The following KHDRBS2 variants were observed in gnomAD, a reference collection of about 807,000 sequenced individuals.
KHDRBS2 encodes the protein KH RNA binding domain containing, signal transduction associated 2, also known as KH domain-containing, RNA-binding, signal transduction-associated protein 2.
A neutral mutation model predicts 44.3 loss-of-function variants in KHDRBS2; 26 were observed. The ratio of observed to expected loss-of-function variants is 0.59; its 90% CI spans 0.43 to 0.81. KHDRBS2 has a LOEUF of 0.81. Ranked by LOEUF, KHDRBS2 falls within the 40% of genes least tolerant of loss-of-function variation. KHDRBS2 has a pLI of 0.00. For missense variants in KHDRBS2, 476 were observed against 433.1 expected, an observed-to-expected ratio of 1.10 and a Z score of -0.88; for synonymous variants, 194 against 151.1, an observed-to-expected ratio of 1.28 and a Z score of -2.08.
intron 6 of KHDRBS2, among the ~76,000 whole-genome samples, chr6:61,848,324 G>A (rs1732280371): frequency 2.0e-5 from 3 of 149,748 alleles, no homozygotes; most frequent in Admixed American, 1.4e-4. Context: ...CCTAGAGCTT[G>A]AAATACCTGT....
intron 7 of KHDRBS2, among the ~76,000 whole-genome samples, chr6:61,720,256 G>A (rs138491708): frequency 0.011 from 1,725 of 152,148 alleles, 14 homozygotes; most frequent in Non-Finnish European, 0.016. Flanking sequence ...ATGTGTCTTT[G>A]TAGCAGCATG....
At chr6:61,993,650 C>CATATATATATATAT (rs1188471190) in intron 3 of KHDRBS2, among the ~76,000 whole-genome samples, 16 of 66,402 alleles carry the variant, frequency 2.4e-4, no homozygotes, top group Non-Finnish European at 4.5e-4. Flanking sequence ...CCCATAAAAT[C>CATATATATATATAT]ATATATATAT....
At position 62,285,945 on chromosome 6, in the gene KHDRBS2, C is replaced by T; in HGVS notation, c.4G>A (p.Glu2Lys). The part of the protein sequence containing the change: M[E>K]EEKYLPELMA... ...AGCTCAGGCAAATATTTCTCCTCTTCCATAGCGCGGACTTCGGATTGTCCC... is the reference window on the plus strand; with the variant it reads ...AGCTCAGGCAAATATTTCTCCTCTTTCATAGCGCGGACTTCGGATTGTCCC... The change falls in exon 1 of 9, where the codon GAA becomes AAA. Residue 2 changes from glutamate to lysine, a missense_variant. Transcript: ENST00000281156. 1 of 1,607,924 alleles carries T rather than the reference C, an allele frequency of 6.2e-7. No homozygotes were observed. The highest frequency in any genetic ancestry group is 8.5e-7 in the Non-Finnish European group (1 of 1,175,128).
chr6:61,870,029 G>A (rs1798433035), intron 6 of KHDRBS2, among the ~76,000 whole-genome samples: 1 of 145,786 alleles, frequency 6.9e-6, no homozygotes, highest in African/African-American at 2.6e-5. Context: ...TGAGACAGAA[G>A]TGTTCCCTCC....
chr6:61,657,193 G>C, the KHDRBS2 span, among the ~76,000 whole-genome samples: 1 of 151,896 alleles, frequency 6.6e-6, no homozygotes, highest in Non-Finnish European at 1.5e-5. Flanking sequence ...TATCAAAGTA[G>C]TCTCACACTG....
chr6:62,060,289 C>A (rs749993998), intron 2 of KHDRBS2, among the ~76,000 whole-genome samples: 70 of 151,540 alleles, frequency 4.6e-4, no homozygotes, highest in Non-Finnish European at 9.3e-4. Context: ...GAGGGATGGG[C>A]TGGGGGTGAG....
At chr6:61,610,279 A>T in the KHDRBS2 span, among the ~76,000 whole-genome samples, 4 of 152,166 alleles carry the variant, frequency 2.6e-5, no homozygotes, top group African/African-American at 9.6e-5. Flanking sequence ...ATTTCAATCT[A>T]GGGGAAAAAT....
At chr6:62,243,236 A>C (rs906403730) in intron 1 of KHDRBS2, among the ~76,000 whole-genome samples, 6 of 152,096 alleles carry the variant, frequency 3.9e-5, no homozygotes, top group Middle Eastern at 3.2e-3. Context: ...CTATGGGAAT[A>C]TTTGTTGTGA....
At chr6:61,781,776 A>C (rs568728617) in intron 6 of KHDRBS2, among the ~76,000 whole-genome samples, 18 of 152,254 alleles carry the variant, frequency 1.2e-4, no homozygotes, top group African/African-American at 4.3e-4. Flanking sequence ...TTGGAACTGG[A>C]GGGTAGACGT....
intron 4 of KHDRBS2, among the ~76,000 whole-genome samples, chr6:61,931,192 T>C (rs1809977873): frequency 6.6e-6 from 1 of 152,070 alleles, no homozygotes; most frequent in Non-Finnish European, 1.5e-5. Context: ...TGAAAATCAC[T>C]ATAAGAAAAT....
At chr6:61,955,188 T>G (rs115239727) in intron 4 of KHDRBS2, among the ~76,000 whole-genome samples, 43,210 of 133,158 alleles carry the variant, frequency 0.32, 7,650 homozygotes, top group Middle Eastern at 0.51. Flanking sequence ...ACACATACGT[T>G]TGTATGTATA....
At chr6:61,732,331 T>G (rs902267992) in intron 7 of KHDRBS2, among the ~76,000 whole-genome samples, 26 of 152,064 alleles carry the variant, frequency 1.7e-4, no homozygotes, top group Middle Eastern at 6.8e-3. Flanking sequence ...CAAATAAATG[T>G]GATATTTTAG....
chr6:61,896,967 A>G (rs1391238893), intron 5 of KHDRBS2, among the ~76,000 whole-genome samples: 1 of 151,926 alleles, frequency 6.6e-6, no homozygotes, highest in Non-Finnish European at 1.5e-5. Flanking sequence ...CTTATTCGTT[A>G]TCCTCCTTCA....
intron 6 of KHDRBS2, among the ~76,000 whole-genome samples, chr6:61,780,528 G>A (rs986738458): frequency 1.6e-4 from 24 of 147,562 alleles, no homozygotes; most frequent in African/African-American, 6.2e-4. Context: ...AATAAAATAA[G>A]CAAAACAAAC....
intron 6 of KHDRBS2, among the ~76,000 whole-genome samples, chr6:61,776,892 T>C (rs1782124048): frequency 1.3e-5 from 2 of 152,160 alleles, no homozygotes; most frequent in Non-Finnish European, 1.5e-5. Flanking sequence ...CCAACCTAAA[T>C]GTCCAACAAC....
chr6:61,954,645 C>T (rs200146189), intron 4 of KHDRBS2, among the ~76,000 whole-genome samples: 22,116 of 106,640 alleles, frequency 0.21, 2,750 homozygotes, highest in Middle Eastern at 0.26. Flanking sequence ...CACATACATA[C>T]TTATGTATAC....
the KHDRBS2 span, among the ~76,000 whole-genome samples, chr6:61,621,484 C>G: frequency 6.6e-6 from 1 of 152,316 alleles, no homozygotes; most frequent in Admixed American, 6.5e-5. Context: ...AGCTGAGTAG[C>G]AGGCTAAAGG....
intron 2 of KHDRBS2, 119 bp downstream of exon 2, chr6:62,177,066 G>T: frequency 1.7e-6 from 1 of 576,864 alleles, no homozygotes; most frequent in Non-Finnish European, 2.8e-6. Flanking sequence ...TCATGTGCTT[G>T]CATACACTTA....
chr6:61,610,671 A>G, the KHDRBS2 span, among the ~76,000 whole-genome samples: 1 of 152,218 alleles, frequency 6.6e-6, no homozygotes, highest in African/African-American at 2.4e-5. Flanking sequence ...AGAGCAAGCA[A>G]TCCAAGAGAG....
Sources: gnomAD v4.1 joint callset for allele counts (sites outside exome capture counted in the v4.1 genomes callset) on GRCh38, gnomAD v4.1.1 for gene constraint, MANE v1.5 for transcripts, NCBI Gene and HGNC (gene_info 2026-07-23, HGNC 2026-07-21) for gene names.